Variants in DOCK5 observed in about 807,000 individuals in gnomAD.
The protein encoded by DOCK5 is dedicator of cytokinesis 5.
In DOCK5, 142 loss-of-function variants were observed where a neutral mutation model predicts 251.8. The ratio of observed to expected loss-of-function variants is 0.56; its 90% CI spans 0.49 to 0.65. The LOEUF (loss-of-function observed/expected upper bound fraction) is 0.65. DOCK5 is among the 30% of genes least tolerant of loss of function. DOCK5 has a pLI of 0.00. For synonymous variants in DOCK5, 842 were observed against 835.5 expected, an observed-to-expected ratio of 1.01 and a Z score of -0.13; for missense variants, 2,111 against 2,312.3, an observed-to-expected ratio of 0.91 and a Z score of 1.79.
chr8:25,197,876 G>A lies in DOCK5; in HGVS notation c.43+12925G>A, dbSNP rs922921351. ...CGCCATTCTCCTGCCTCAGCCTCCT[G>A]AGCAGCTGGGACTACAGGTGCCCAC... On this transcript the variant is annotated intron_variant, in intron 1 of 51. Coordinates refer to ENST00000276440, the MANE Select transcript of DOCK5 (RefSeq NM_024940.8). 5.7e-4 allele frequency among the ~76,000 whole-genome samples: 86 copies of A among 150,988 alleles called. 1 individual carries two copies. The highest frequency in any genetic ancestry group is 2.0e-3 in the African/African-American group (81 of 41,100).
intron 1 of DOCK5, among the ~76,000 whole-genome samples, chr8:25,235,758 A>G (rs1386981801): frequency 2.6e-5 from 4 of 151,018 alleles, no homozygotes; most frequent in Non-Finnish European, 4.4e-5. Context: ...CTTCACAAAT[A>G]TATGTAATCT....
rs1369404480 is a variant in DOCK5 at position 25,413,063 on chromosome 8, A to T, written c.*1765A>T. 6.6e-6 allele frequency: 1 copy of T among 152,202 alleles called. No individual in the cohort carries two copies. Among genetic ancestry groups the T allele is most frequent in the African/African-American group, 2.4e-5 (1 of 41,458 alleles). 9.4% of individuals were successfully genotyped at this position (152,202 alleles called of 1,614,324 possible). ...TTTGGTTTCAAATCCCAGTTATGAC[A>T]TCTGTTAACTTTGCAAACTCACAAA... is the stretch of plus-strand genomic sequence containing the variant. On this transcript the variant is annotated 3_prime_UTR_variant, in exon 52 of 52. Coordinates refer to ENST00000276440, the MANE Select transcript of DOCK5 (RefSeq NM_024940.8).
chr8:25,241,660 C>T (rs1802948017), intron 1 of DOCK5, among the ~76,000 whole-genome samples: 1 of 151,938 alleles, frequency 6.6e-6, no homozygotes, highest in Non-Finnish European at 1.5e-5. Context: ...GGGTATATAC[C>T]CAAAGGATTA....
intron 4 of DOCK5, 127 bp from the exon 5 acceptor site, chr8:25,278,442 C>A: frequency 1.2e-6 from 1 of 824,666 alleles, no homozygotes; most frequent in South Asian, 1.6e-5. Context: ...AAGTCCCCTG[C>A]ACAACTCCTG....
intron 22 of DOCK5, among the ~76,000 whole-genome samples, chr8:25,338,277 G>T (rs918920578): frequency 6.6e-6 from 1 of 152,058 alleles, no homozygotes; most frequent in African/African-American, 2.4e-5. Context: ...CTGGGCTCAA[G>T]GGATCTGCCC....
intron 1 of DOCK5, among the ~76,000 whole-genome samples, chr8:25,243,152 G>A (rs925055367): frequency 3.3e-5 from 5 of 152,138 alleles, no homozygotes; most frequent in Non-Finnish European, 5.9e-5. Context: ...CCATGTCCAT[G>A]TGATTTGCCC....
chr8:25,275,462 A>T (rs139215071), intron 4 of DOCK5, 21 bp downstream of exon 4: 3 of 1,593,440 alleles, frequency 1.9e-6, no homozygotes, highest in African/African-American at 2.7e-5. Flanking sequence ...AGCTAGGAAG[A>T]TTCCCCAAAA....
chr8:25,190,250 A>T (rs1317441900), intron 1 of DOCK5, among the ~76,000 whole-genome samples: 1 of 152,242 alleles, frequency 6.6e-6, no homozygotes, highest in Non-Finnish European at 1.5e-5. Context: ...AATAAAAATT[A>T]AGTAAATTAC....
intron 37 of DOCK5, 93 bp downstream of exon 37, chr8:25,374,747 C>T: frequency 6.2e-7 from 1 of 1,608,806 alleles, no homozygotes; most frequent in South Asian, 1.1e-5. Flanking sequence ...TGGGAAAGAA[C>T]TTTATTCCAG....
At chr8:25,192,728 T>G (rs1238706531) in intron 1 of DOCK5, among the ~76,000 whole-genome samples, 2 of 152,204 alleles carry the variant, frequency 1.3e-5, no homozygotes, top group African/African-American at 2.4e-5. Flanking sequence ...CCCAGGCTGG[T>G]CTTGGGCTCC....
chr8:25,322,301 T>C (rs1805444945), intron 16 of DOCK5, among the ~76,000 whole-genome samples: 1 of 152,184 alleles, frequency 6.6e-6, no homozygotes, highest in Non-Finnish European at 1.5e-5. Flanking sequence ...CAAAGACTTG[T>C]AATGGAAGCG....
rs1347519027 is a variant in DOCK5 at position 25,354,041 on chromosome 8, AAAAAAAACAAAC to A, written c.2850+2223_2850+2234del. Among the ~76,000 whole-genome samples, 171 of 109,862 alleles carry A rather than the reference AAAAAAAACAAAC, an allele frequency of 1.6e-3. 19 individuals carry two copies. Among genetic ancestry groups the A allele is most frequent in the Middle Eastern group, 4.0e-3 (1 of 250 alleles). 72.1% of individuals were successfully genotyped at this position (109,862 alleles called of 152,430 possible). A position where few individuals can be genotyped will look rare whatever the true frequency, so the allele number is the denominator to read the frequency against. On this transcript the variant is annotated intron_variant, in intron 27 of 51. Coordinates refer to ENST00000276440, the MANE Select transcript of DOCK5 (RefSeq NM_024940.8). ...AGACTTTGTCTTAAAAAAAAAAAAA[AAAAAAAACAAAC>A]AAAAAAAAAAACGTAGGAGAGAAAA...
intron 1 of DOCK5, among the ~76,000 whole-genome samples, chr8:25,227,721 G>A (rs920086005): frequency 5.5e-4 from 83 of 152,260 alleles, no homozygotes; most frequent in African/African-American, 2.0e-3. Flanking sequence ...TCTGGTGTGT[G>A]TATGTATTTG....
At chr8:25,287,484 C>T (rs1001273002) in intron 5 of DOCK5, among the ~76,000 whole-genome samples, 6 of 151,914 alleles carry the variant, frequency 3.9e-5, no homozygotes, top group Admixed American at 1.3e-4. Flanking sequence ...CAGGTATCTC[C>T]GTATCTCCAA....
intron 2 of DOCK5, among the ~76,000 whole-genome samples, chr8:25,244,728 G>T (rs534944524): frequency 2.1e-4 from 32 of 152,320 alleles, no homozygotes; most frequent in African/African-American, 6.5e-4. Context: ...AAGGAAGCAG[G>T]ATTTGGCCAC....
At chr8:25,240,092 A>G (rs900562715) in intron 1 of DOCK5, among the ~76,000 whole-genome samples, 3 of 152,140 alleles carry the variant, frequency 2.0e-5, no homozygotes, top group Non-Finnish European at 4.4e-5. Context: ...GGATATACTG[A>G]TGGACTGAGT....
rs574748946 is a variant in DOCK5, at chr8:25,212,059, G to C, written c.43+27108G>C. The stretch of plus-strand genomic sequence containing the variant: ...ACCTGTAGTTCCAGCTACTCTGGAG[G>C]CTGAGGCAGGAGAATGACGTGAACC... On this transcript the variant is annotated intron_variant, in intron 1 of 51. Transcript: ENST00000276440. Among the ~76,000 whole-genome samples the C allele has an allele frequency of 1.3e-3, 87 of 67,322 alleles. 25 individuals are homozygous for C. Among genetic ancestry groups the C allele is most frequent in the African/African-American group, 2.9e-3 (85 of 29,722 alleles). The allele number at this position is 67,322 out of a possible 152,430, so 44.2% of individuals were successfully genotyped here.
intron 1 of DOCK5, among the ~76,000 whole-genome samples, chr8:25,185,530 G>A (rs1266313349): frequency 6.6e-6 from 1 of 152,196 alleles, no homozygotes; most frequent in Non-Finnish European, 1.5e-5. Flanking sequence ...AGTGATGGAA[G>A]GGACAGGAAG....
At chr8:25,199,930 T>C (rs1449751762) in intron 1 of DOCK5, among the ~76,000 whole-genome samples, 1 of 149,148 alleles carries the variant, frequency 6.7e-6, no homozygotes. Flanking sequence ...AGAAGGCCTG[T>C]CTATCCAATT....
Sources: allele counts gnomAD v4.1 joint callset (sites outside exome capture counted in the v4.1 genomes callset), GRCh38; gene constraint gnomAD v4.1.1; transcripts MANE v1.5; gene names NCBI Gene and HGNC (gene_info 2026-07-23, HGNC 2026-07-21).